The following TESK2 variants were observed in gnomAD, a reference collection of about 807,000 sequenced individuals.
TESK2 encodes the protein dual specificity testis-specific protein kinase 2.
A neutral mutation model predicts 57.1 loss-of-function variants in TESK2; 39 were observed. That is an observed-to-expected ratio of 0.68 (90% CI 0.53 to 0.89). TESK2 has a LOEUF of 0.89. Among genes scored for constraint, TESK2 ranks in the 40% least tolerant of loss-of-function variants. The pLI is 0.00. For missense variants in TESK2, 646 were observed against 732.1 expected (o/e 0.88, Z 1.36); for synonymous variants, 249 against 267.9 (o/e 0.93, Z 0.69).
chr1:45,445,505 G>A (rs758973435), intron 2 of TESK2, among the ~76,000 whole-genome samples: 8 of 151,738 alleles, frequency 5.3e-5, no homozygotes, highest in African/African-American at 9.7e-5. Context: ...AAAAAGCCAC[G>A]ACCAGGTGCA....
intron 2 of TESK2, among the ~76,000 whole-genome samples, chr1:45,431,077 G>A (rs543664831): frequency 7.2e-5 from 11 of 152,248 alleles, no homozygotes; most frequent in African/African-American, 2.2e-4. Flanking sequence ...ACCCAACCTG[G>A]CAATCTTCCT....
intron 4 of TESK2, among the ~76,000 whole-genome samples, chr1:45,378,948 T>A (rs1648541439): frequency 6.6e-6 from 1 of 152,198 alleles, no homozygotes; most frequent in Non-Finnish European, 1.5e-5. Flanking sequence ...CATGTGGTGG[T>A]TAACAGCTGC....
At chr1:45,463,289 T>C (rs1652408584) in intron 1 of TESK2, among the ~76,000 whole-genome samples, 1 of 152,214 alleles carries the variant, frequency 6.6e-6, no homozygotes, top group Non-Finnish European at 1.5e-5. Flanking sequence ...TTGGGGATAT[T>C]ACTCAAGAAA....
intron 1 of TESK2, among the ~76,000 whole-genome samples, 185 bp downstream of exon 1, chr1:45,490,667 G>A (rs1445720428): frequency 6.6e-6 from 1 of 152,110 alleles, no homozygotes; most frequent in African/African-American, 2.4e-5. Context: ...AGAAGGAAAG[G>A]GGAAAGCGGC....
At chr1:45,382,053 G>A (rs1202935141) in intron 4 of TESK2, among the ~76,000 whole-genome samples, 1 of 150,958 alleles carries the variant, frequency 6.6e-6, no homozygotes, top group African/African-American at 2.4e-5. Context: ...TTAATTTTTT[G>A]TAGAGTCTGG....
chr1:45,441,694 T>C (rs1464264419), intron 2 of TESK2, among the ~76,000 whole-genome samples: 3 of 148,962 alleles, frequency 2.0e-5, no homozygotes, highest in Non-Finnish European at 4.4e-5. Flanking sequence ...TCTCAGCTCA[T>C]TGCAGCCTCC....
intron 2 of TESK2, among the ~76,000 whole-genome samples, chr1:45,453,946 A>G (rs561186836): frequency 6.8e-4 from 103 of 152,304 alleles, no homozygotes; most frequent in Middle Eastern, 6.8e-3. Context: ...GTTTAGAAAA[A>G]TGCAAATCAA....
intron 1 of TESK2, among the ~76,000 whole-genome samples, chr1:45,463,216 G>A (rs139665512): frequency 2.0e-5 from 3 of 152,062 alleles, no homozygotes; most frequent in African/African-American, 7.2e-5. Context: ...TTCATTTTCT[G>A]TGCAGAAGCT....
chr1:45,360,266 C>T (rs952172306), intron 4 of TESK2, among the ~76,000 whole-genome samples: 8 of 152,160 alleles, frequency 5.3e-5, no homozygotes, highest in Non-Finnish European at 1.2e-4. Context: ...GGCAGTGAAG[C>T]TGACATCTAA....
chr1:45,368,520 C>A (rs555941992), intron 4 of TESK2, among the ~76,000 whole-genome samples: 207 of 151,364 alleles, frequency 1.4e-3, no homozygotes, highest in African/African-American at 4.9e-3. Context: ...ACTACAGGCG[C>A]CTGCCACCAC....
chr1:45,436,229 G>A (rs1651215295), intron 2 of TESK2, among the ~76,000 whole-genome samples: 1 of 108,904 alleles, frequency 9.2e-6, no homozygotes, highest in South Asian at 3.3e-4. Flanking sequence ...CTGTCACCCA[G>A]GCTGGAGTGC....
chr1:45,478,938 G>A (rs1653105097), intron 1 of TESK2, among the ~76,000 whole-genome samples: 1 of 151,972 alleles, frequency 6.6e-6, no homozygotes, highest in African/African-American at 2.4e-5. Flanking sequence ...TGGCCAGGCT[G>A]GTCTCAAACT....
chr1:45,434,582 T>C (rs1212681438), intron 2 of TESK2, among the ~76,000 whole-genome samples: 1 of 152,154 alleles, frequency 6.6e-6, no homozygotes, highest in Non-Finnish European at 1.5e-5. Flanking sequence ...TTTTATGATG[T>C]TGAGCATTTT....
At chr1:45,423,544 G>A (rs1294469793) in intron 2 of TESK2, among the ~76,000 whole-genome samples, 5 of 139,278 alleles carry the variant, frequency 3.6e-5, no homozygotes, top group South Asian at 2.4e-4. Flanking sequence ...GTGACAGAGC[G>A]AGATTCCGTC....
chr1:45,470,025 G>A (rs1652701090), intron 1 of TESK2, among the ~76,000 whole-genome samples: 1 of 152,036 alleles, frequency 6.6e-6, no homozygotes, highest in African/African-American at 2.4e-5. Flanking sequence ...GCACAAAGTT[G>A]GTAATATTAT....
At chr1:45,389,727 C>T (rs1045801885) in intron 3 of TESK2, among the ~76,000 whole-genome samples, 3 of 152,158 alleles carry the variant, frequency 2.0e-5, no homozygotes, top group Admixed American at 6.5e-5. Context: ...CTTTATAAAT[C>T]GCAATTTCCT....
rs34785518 is a variant in TESK2, at chr1:45,416,072, CTTTTTTTTTTT to C, written c.344+5642_344+5652del. On this transcript the variant is annotated intron_variant, in intron 3 of 10. Transcript: ENST00000372086. ...AGATTGGACACCTCTAATCTAGAGC[CTTTTTTTTTTT>C]TTTTTTTTTTTTTTTTTGAGACAAG... is the stretch of plus-strand genomic sequence containing the variant. Among the ~76,000 whole-genome samples, 9 of 59,304 alleles carry C rather than the reference CTTTTTTTTTTT, an allele frequency of 1.5e-4. No individual in the cohort carries two copies. In the East Asian group the frequency reaches 2.3e-3, roughly 15 times the overall value. The allele number at this position is 59,304 out of a possible 152,430, so 38.9% of individuals were successfully genotyped here.
intron 4 of TESK2, among the ~76,000 whole-genome samples, chr1:45,358,631 T>C (rs1319711024): frequency 1.3e-5 from 2 of 152,154 alleles, no homozygotes; most frequent in African/African-American, 2.4e-5. Context: ...ACACTGGTAC[T>C]TTTTTTCCTT....
chr1:45,368,362 G>GTT (rs150971438), intron 4 of TESK2, among the ~76,000 whole-genome samples: 9 of 150,454 alleles, frequency 6.0e-5, no homozygotes, highest in African/African-American at 2.2e-4. Context: ...TGTGTTTTTT[G>GTT]TTTTTTTTGG....
Sources: allele counts gnomAD v4.1 joint callset (sites outside exome capture counted in the v4.1 genomes callset), GRCh38; gene constraint gnomAD v4.1.1; transcripts MANE v1.5; gene names NCBI Gene and HGNC (gene_info 2026-07-23, HGNC 2026-07-21).